The following CRMP1 variants were observed in gnomAD, a reference collection of about 807,000 sequenced individuals.
The protein encoded by CRMP1 is dihydropyrimidinase-related protein 1.
Under a neutral mutation model 68.3 loss-of-function variants are expected in CRMP1, and 19 were observed. The ratio of observed to expected loss-of-function variants is 0.28; its 90% CI spans 0.19 to 0.41. CRMP1 has a LOEUF of 0.41. CRMP1 is among the 10% of genes least tolerant of loss of function. The pLI is 1.00. For synonymous variants in CRMP1, 439 were observed against 399.6 expected (o/e 1.10, Z -1.18); for missense variants, 791 against 967.4 (o/e 0.82, Z 2.42).
At position 5,855,935 on chromosome 4, in the gene CRMP1, G is replaced by C. The variant is rs772274997; in HGVS notation, c.820+208C>G. ...CTGCAGAGACTGGATCTGCTTCTGA[G>C]AACAAGGACACCCCCAGAGGTTTTC... On this transcript the variant is annotated intron_variant, in intron 4 of 13. Transcript: ENST00000324989. The surrounding 1 kb of genome is among the most constrained non-coding windows in gnomAD (Gnocchi z 4.9). 1.3e-5 allele frequency among the ~76,000 whole-genome samples: 2 copies of C among 152,192 alleles called. No individual in the cohort carries two copies. The highest frequency in any genetic ancestry group is 2.9e-5 in the Non-Finnish European group (2 of 68,030).
At chr4:5,871,890 G>T (rs1207521322) in intron 1 of CRMP1, among the ~76,000 whole-genome samples, 1 of 152,158 alleles carries the variant, frequency 6.6e-6, no homozygotes, top group Non-Finnish European at 1.5e-5. Context: ...TTGAAGTTAC[G>T]TGCTTTGTGA....
rs569404305 is a variant in CRMP1, at chr4:5,870,516, G to A, written c.382-3760C>T. Among the ~76,000 whole-genome samples, 11 of 152,330 alleles carry A rather than the reference G, an allele frequency of 7.2e-5. No homozygotes were observed. In the South Asian group the frequency reaches 2.3e-3, roughly 32 times the overall value. On this transcript the variant is annotated intron_variant, in intron 1 of 13. Transcript: ENST00000324989. This position sits in a 1 kb window ranked among gnomAD's most constrained non-coding sequence, Gnocchi z 6.0. The stretch of plus-strand genomic sequence containing the variant: ...GAGCTCCACGGAGGCAACGGACTTT[G>A]TCCGTTTTCTTCACTGCTGTCTCTC...
At chr4:5,832,330 G>A (rs552338226) in intron 11 of CRMP1, among the ~76,000 whole-genome samples, 1 of 152,128 alleles carries the variant, frequency 6.6e-6, no homozygotes, top group Admixed American at 6.5e-5. Flanking sequence ...ATTATATCTC[G>A]ATAAGAAACT....
chr4:5,867,188 G>T (rs1358274568), intron 1 of CRMP1, among the ~76,000 whole-genome samples: 1 of 152,132 alleles, frequency 6.6e-6, no homozygotes, highest in Non-Finnish European at 1.5e-5. Flanking sequence ...TTAATACCTT[G>T]CTTATCAGTC....
chr4:5,848,949 GT>G (rs1413056737), intron 6 of CRMP1, among the ~76,000 whole-genome samples: 1 of 152,178 alleles, frequency 6.6e-6, no homozygotes, highest in East Asian at 1.9e-4. Context: ...TGTGCATTAA[GT>G]TTTCAACATA....
Position 5,892,901 on chromosome 4 carries a change from G to C in CRMP1, c.69C>G (p.Ser23Arg), listed in dbSNP as rs1716018612. 6.5e-6 allele frequency: 9 copies of C among 1,374,322 alleles called. No homozygotes were observed. The highest frequency in any genetic ancestry group is 8.5e-6 in the Non-Finnish European group (9 of 1,057,300). The allele number at this position is 1,374,322 out of a possible 1,614,324, so 85.1% of individuals were successfully genotyped here. The change falls in exon 1 of 14, where the codon AGC (serine) becomes AGG (arginine). Residue 23 changes from serine (S) to arginine (R), a missense_variant. Around this residue, in one of 3 missense-constraint regions of CRMP1, gnomAD observed 193 missense variants for 186.3 expected, o/e 1.04. Coordinates refer to ENST00000324989, the MANE Select transcript of CRMP1 (RefSeq NM_001014809.3). The surrounding 1 kb of genome is among the most constrained non-coding windows in gnomAD (Gnocchi z 8.6). ...DLPVYLARPG[S>R]AAQTPRQKYG... ...ACTTCTGGCGCGGGGTCTGCGCCGC[G>C]CTGCCCGGCCGCGCCAGGTACACGG...
At chr4:5,840,130 A>C (rs1248962463) in intron 8 of CRMP1, among the ~76,000 whole-genome samples, 1 of 152,130 alleles carries the variant, frequency 6.6e-6, no homozygotes, top group African/African-American at 2.4e-5. Context: ...AAGGCAGGGA[A>C]AGCAGCCAAT....
rs948699791 is a variant in CRMP1, at chr4:5,877,177, A to G, written c.382-10421T>C. Among the ~76,000 whole-genome samples the G allele has an allele frequency of 4.6e-5, 7 of 152,248 alleles. No homozygotes were observed. The highest frequency in any genetic ancestry group is 1.7e-4 in the African/African-American group (7 of 41,466). On this transcript the variant is annotated intron_variant, in intron 1 of 13. Transcript: ENST00000324989. The surrounding 1 kb of genome is among the most constrained non-coding windows in gnomAD (Gnocchi z 4.3). ...ACACCTGACCCCAACAGAAGACTGAAGACAAATTGAGTTGAGCCCTGCTAA... is the reference window on the plus strand; with the variant it reads ...ACACCTGACCCCAACAGAAGACTGAGGACAAATTGAGTTGAGCCCTGCTAA...
intron 1 of CRMP1, among the ~76,000 whole-genome samples, chr4:5,875,431 T>C (rs1714742795): frequency 1.3e-5 from 2 of 151,932 alleles, no homozygotes; most frequent in African/African-American, 4.8e-5. Flanking sequence ...TGGGATGCTA[T>C]TCTTATCCAA....
chr4:5,825,670 G>A lies in CRMP1; in HGVS notation c.1804-11C>T. The A allele has an allele frequency of 6.2e-7, 1 of 1,612,346 alleles. No homozygotes were observed. Among genetic ancestry groups the A allele is most frequent in the Non-Finnish European group, 8.5e-7 (1 of 1,179,194 alleles). ...TTGCAATCCAAAAACCTAAACAGAG[G>A]AAGGGAGAGTGTGATTGATCGACAC... On this transcript the variant is annotated splice_polypyrimidine_tract_variant and intron_variant, in intron 12 of 13. Transcript: ENST00000324989. The surrounding 1 kb of genome is among the most constrained non-coding windows in gnomAD (Gnocchi z 4.4).
rs549718112 is a variant in CRMP1 at position 5,830,044 on chromosome 4, G to T, written c.1624-1376C>A. Among the ~76,000 whole-genome samples the T allele has an allele frequency of 1.6e-3, 251 of 152,286 alleles. 1 individual carries two copies. Among genetic ancestry groups the T allele is most frequent in the African/African-American group, 5.5e-3 (230 of 41,548 alleles). ...GTATATTAAACTCCTGATCTCAGTT[G>T]CTGGCACAGGTGAAAAATACTATCT... On this transcript the variant is annotated intron_variant, in intron 11 of 13. Coordinates refer to ENST00000324989, the MANE Select transcript of CRMP1 (RefSeq NM_001014809.3).
chr4:5,882,649 T>C (rs898113370), intron 1 of CRMP1, among the ~76,000 whole-genome samples: 1 of 152,228 alleles, frequency 6.6e-6, no homozygotes, highest in Non-Finnish European at 1.5e-5. Context: ...AAGTGACTTG[T>C]CCAATTACAT....
intron 2 of CRMP1, among the ~76,000 whole-genome samples, chr4:5,864,657 G>A (rs1413706912): frequency 6.6e-6 from 1 of 152,196 alleles, no homozygotes; most frequent in Non-Finnish European, 1.5e-5. Flanking sequence ...GTGCTGTGGG[G>A]ACAGAGGGAT....
At chr4:5,824,285 T>G (rs1719174568) in intron 13 of CRMP1, 1 of 985,242 alleles carries the variant, frequency 1.0e-6, no homozygotes, top group Non-Finnish European at 1.2e-6. Flanking sequence ...GAGCATCACA[T>G]GACTTTTAGC....
At chr4:5,871,623 G>A (rs1714456769) in intron 1 of CRMP1, among the ~76,000 whole-genome samples, 1 of 152,072 alleles carries the variant, frequency 6.6e-6, no homozygotes, top group Non-Finnish European at 1.5e-5. Flanking sequence ...TCGCACCACT[G>A]CACTCCAGCC....
intron 4 of CRMP1, 21 bp from the exon 5 acceptor site, chr4:5,851,490 TA>T: frequency 6.2e-7 from 1 of 1,609,240 alleles, no homozygotes; most frequent in Non-Finnish European, 8.5e-7. Flanking sequence ...ATAGAAAGGA[TA>T]GAAAAATATG....
At position 5,892,470 on chromosome 4, in the gene CRMP1, C is replaced by T; in HGVS notation, c.381+119G>A. ...GGGGAGGGGCCGCGCCGTGGCTCTC[C>T]CCAGCCTGGCGGCCGCTGCCCCAAC... On this transcript the variant is annotated intron_variant, in intron 1 of 13. Coordinates refer to ENST00000324989, the MANE Select transcript of CRMP1 (RefSeq NM_001014809.3). The surrounding 1 kb of genome is among the most constrained non-coding windows in gnomAD (Gnocchi z 8.6). 9.6e-7 allele frequency: 1 copy of T among 1,039,588 alleles called. No individual in the cohort carries two copies. Among genetic ancestry groups the T allele is most frequent in the Non-Finnish European group, 1.2e-6 (1 of 841,022 alleles). 64.4% of individuals were successfully genotyped at this position (1,039,588 alleles called of 1,614,324 possible).
At position 5,890,390 on chromosome 4, in the gene CRMP1, A is replaced by T. The variant is rs1382333259; in HGVS notation, c.381+2199T>A. Among the ~76,000 whole-genome samples, 3 of 150,124 alleles carry T rather than the reference A, an allele frequency of 2.0e-5. No homozygotes were observed. Among genetic ancestry groups the T allele is most frequent in the Non-Finnish European group, 4.4e-5 (3 of 67,554 alleles). ...CAATCCTTGCGCCTGCGCCGCAGAA[A>T]CCCCTCCTGCAGCCCAGGGAGAAGC... On this transcript the variant is annotated intron_variant, in intron 1 of 13. Coordinates refer to ENST00000324989, the MANE Select transcript of CRMP1 (RefSeq NM_001014809.3). The surrounding 1 kb of genome is among the most constrained non-coding windows in gnomAD (Gnocchi z 5.5).
At chr4:5,847,321 G>A (rs1712295904) in intron 6 of CRMP1, among the ~76,000 whole-genome samples, 1 of 152,144 alleles carries the variant, frequency 6.6e-6, no homozygotes, top group Non-Finnish European at 1.5e-5. Flanking sequence ...ATTCCAGACT[G>A]TGAACTAATG....
Sources: allele counts gnomAD v4.1 joint callset (sites outside exome capture counted in the v4.1 genomes callset), GRCh38; gene constraint gnomAD v4.1.1; regional missense constraint gnomAD v4.1.1; non-coding constraint Gnocchi (gnomAD v3.1); transcripts MANE v1.5; gene names NCBI Gene and HGNC (gene_info 2026-07-23, HGNC 2026-07-21).